The following EXO1 variants were observed in gnomAD, a reference collection of about 807,000 sequenced individuals.
EXO1 encodes the protein exonuclease 1.
In EXO1, 69 loss-of-function variants were observed where a neutral mutation model predicts 84.5. The observed-to-expected ratio is 0.82, with a 90% CI of 0.67 to 1.00. The LOEUF (loss-of-function observed/expected upper bound fraction) is 1.00, where lower values mean the gene tolerates loss of function less well. Ranked by LOEUF, EXO1 falls within the 50% of genes least tolerant of loss-of-function variation. The pLI is 0.00. For synonymous variants in EXO1, 373 were observed against 366.1 expected (o/e 1.02, Z -0.21); for missense variants, 1,045 against 1,000.7 (o/e 1.04, Z -0.60).
At chr1:241,851,250 G>A (rs1660657089) in intron 4 of EXO1, among the ~76,000 whole-genome samples, 1 of 152,174 alleles carries the variant, frequency 6.6e-6, no homozygotes, top group South Asian at 2.1e-4. Flanking sequence ...AAAAACAAAT[G>A]TGTTGTAAAA....
At chr1:241,858,297 A>T (rs1476384584) in intron 7 of EXO1, among the ~76,000 whole-genome samples, 1 of 152,254 alleles carries the variant, frequency 6.6e-6, no homozygotes, top group Non-Finnish European at 1.5e-5. Flanking sequence ...GTGACAGTTG[A>T]GTCCTAGCTG....
In EXO1 at chr1:241,885,212, GTAAA is replaced by G. The variant is rs57809020; in HGVS notation, c.2212-82_2212-79del. On this transcript the variant is annotated intron_variant, in intron 14 of 15. Coordinates refer to ENST00000366548, the MANE Select transcript of EXO1 (RefSeq NM_130398.4). ...ACAGAGTGAGAGTCCATCTCAAAAA[GTAAA>G]TAAATAAATAAATAAATAAGTAAAG... 7.5e-5 allele frequency: 33 copies of G among 439,138 alleles called. 5 individuals carry two copies. Among genetic ancestry groups the G allele is most frequent in the South Asian group, 3.8e-4 (11 of 29,290 alleles). The allele number at this position is 439,138 out of a possible 1,614,324, so 27.2% of individuals were successfully genotyped here. A position where few individuals can be genotyped will look rare whatever the true frequency, so the allele number is the denominator to read the frequency against.
At chr1:241,871,687 A>T (rs529587298) in intron 11 of EXO1, among the ~76,000 whole-genome samples, 1 of 152,282 alleles carries the variant, frequency 6.6e-6, no homozygotes. Context: ...TTACATATAA[A>T]TTTTCCTGGA....
At chr1:241,883,200 G>C (rs1776154) in intron 14 of EXO1, among the ~76,000 whole-genome samples, 144,121 of 152,260 alleles carry the variant, frequency 0.95, 68,374 homozygotes, top group Non-Finnish European at 0.98. Context: ...AATGGCCCTG[G>C]CTATCCATTT....
chr1:241,858,731 TG>T lies in EXO1; in HGVS notation c.756+14del, dbSNP rs776270001. ...AGATATAGTAAAGGTAAGAGTGATT[TG>T]CTAAGTGTCATATTCAATTTCTGAA... is the stretch of plus-strand genomic sequence containing the variant. On this transcript the variant is annotated intron_variant, in intron 8 of 15. Coordinates refer to ENST00000366548, the MANE Select transcript of EXO1 (RefSeq NM_130398.4). 3.3e-6 allele frequency: 5 copies of T among 1,524,410 alleles called. No homozygotes were observed. The highest frequency in any genetic ancestry group is 4.6e-6 in the Non-Finnish European group (5 of 1,098,136). The allele number at this position is 1,524,410 out of a possible 1,614,324, so 94.4% of individuals were successfully genotyped here. A position where few individuals can be genotyped will look rare whatever the true frequency, so the allele number is the denominator to read the frequency against.
At chr1:241,871,544 G>T (rs541122523) in intron 11 of EXO1, among the ~76,000 whole-genome samples, 2 of 152,264 alleles carry the variant, frequency 1.3e-5, no homozygotes, top group South Asian at 4.1e-4. Flanking sequence ...ATAACGATCA[G>T]AGCTACAGCA....
intron 10 of EXO1, among the ~76,000 whole-genome samples, chr1:241,863,624 T>C (rs1661527672): frequency 6.6e-6 from 1 of 152,064 alleles, no homozygotes; most frequent in Non-Finnish European, 1.5e-5. Context: ...TAAGCTGAAA[T>C]AAGCCAAGCC....
chr1:241,863,432 C>G (rs2298937), intron 10 of EXO1, among the ~76,000 whole-genome samples: 11,541 of 139,408 alleles, frequency 0.083, 708 homozygotes, highest in Admixed American at 0.2. Flanking sequence ...ACAAAAAAAG[C>G]GTATGTAGAA....
At chr1:241,875,113 C>T (rs1032844534) in intron 12 of EXO1, among the ~76,000 whole-genome samples, 2 of 152,214 alleles carry the variant, frequency 1.3e-5, no homozygotes, top group Non-Finnish European at 2.9e-5. Context: ...AAGTGATTCT[C>T]CTGCCTCAGC....
rs765732782 is a variant in EXO1 at position 241,858,553 on chromosome 1, A to G, written c.591A>G (p.Gln197=). 5.0e-6 allele frequency: 8 copies of G among 1,614,150 alleles called. No homozygotes were observed. The highest frequency in any genetic ancestry group is 5.1e-6 in the Non-Finnish European group (6 of 1,179,982). ...TTGGAAATGGACTTGAAATTGATCA[A>G]GCTCGGCTAGGAATGTGCAGACAGC... The part of the protein sequence containing the change: ...DQFGNGLEID[Q]ARLGMCRQLG... The change falls in exon 8 of 16, where the codon CAA becomes CAG. Residue 197 remains glutamine, a synonymous_variant. Transcript: ENST00000366548.
At position 241,858,510 on chromosome 1, in the gene EXO1, T is replaced by C. The variant is rs1661189716; in HGVS notation, c.548T>C (p.Ile183Thr). The part of the protein sequence containing the change: ...DLLAFGCKKV[I>T]LKMDQFGNGL... ...CAATTTCCCTTCCTTTTGAAGGTAA[T>C]TTTAAAGATGGACCAGTTTGGAAAT... Residue 183 changes from isoleucine to threonine, a missense_variant, in exon 8 of 16, where the codon ATT becomes ACT. Transcript: ENST00000366548. 6.2e-7 allele frequency: 1 copy of C among 1,612,548 alleles called. No homozygotes were observed. Among genetic ancestry groups the C allele is most frequent in the Non-Finnish European group, 8.5e-7 (1 of 1,178,522 alleles).
chr1:241,860,239 ATC>A (rs1024753101), intron 8 of EXO1, among the ~76,000 whole-genome samples: 2 of 152,230 alleles, frequency 1.3e-5, no homozygotes, highest in Admixed American at 1.3e-4. Flanking sequence ...TGGATAATGT[ATC>A]TCAAAGTTAC....
At chr1:241,848,181 G>A (rs1026560232), upstream of EXO1, 1 of 152,338 alleles carries the variant, frequency 6.6e-6, no homozygotes, top group Non-Finnish European at 1.5e-5. This position sits in a 1 kb window ranked among gnomAD's most constrained non-coding sequence, Gnocchi z 4.2. Flanking sequence ...GGGCCGCAAG[G>A]AACCCGCGCA....
rs750325730 is a variant in EXO1, at chr1:241,878,743, T to C, written c.1515-6T>C. On this transcript the variant is annotated splice_polypyrimidine_tract_variant and splice_region_variant and intron_variant, in intron 12 of 15. Coordinates refer to ENST00000366548, the MANE Select transcript of EXO1 (RefSeq NM_130398.4). ...TACTTATTGTTTCTATTGCTTTTTT[T>C]ATTAGGTTTTTTTGCAGTTCAGATT... is the stretch of plus-strand genomic sequence containing the variant. 1.9e-6 allele frequency: 3 copies of C among 1,588,136 alleles called. No individual in the cohort carries two copies. The highest frequency in any genetic ancestry group is 3.4e-5 in the Admixed American group (2 of 59,648).
intron 6 of EXO1, among the ~76,000 whole-genome samples, chr1:241,856,763 C>G (rs2148410345): frequency 6.6e-6 from 1 of 152,334 alleles, no homozygotes; most frequent in African/African-American, 2.4e-5. Flanking sequence ...GGCACAATGG[C>G]TGAACGCTTA....
At chr1:241,854,768 C>T (rs1045768624) in intron 6 of EXO1, 8 of 157,462 alleles carry the variant, frequency 5.1e-5, no homozygotes, top group East Asian at 1.9e-4. Context: ...AGAATGAAGC[C>T]GCAGACCCTC....
chr1:241,867,680 T>C (rs1661830624), intron 11 of EXO1, among the ~76,000 whole-genome samples: 1 of 152,164 alleles, frequency 6.6e-6, no homozygotes, highest in African/African-American at 2.4e-5. Context: ...TAAAAAGTTT[T>C]CCTTTCCCCA....
At chr1:241,881,858 A>G (rs1257491221) in intron 13 of EXO1, 58 bp from the exon 14 acceptor site, 2 of 841,258 alleles carry the variant, frequency 2.4e-6, no homozygotes, top group Non-Finnish European at 4.0e-6. Context: ...GTTTGTTGTC[A>G]TAAAAATTCT....
Position 241,872,031 on chromosome 1 carries a change from G to A in EXO1, c.1268-1G>A. On this transcript the variant is annotated splice_acceptor_variant, in intron 11 of 15. Coordinates refer to ENST00000366548, the MANE Select transcript of EXO1 (RefSeq NM_130398.4). LOFTEE classifies it high-confidence loss of function. ...TTACAGATAATTTTGTTTTTATTTAGCAGAGCTGTCAGAAGATGACCTGTT... is the reference window on the plus strand; with the variant it reads ...TTACAGATAATTTTGTTTTTATTTAACAGAGCTGTCAGAAGATGACCTGTT... 6.2e-7 allele frequency: 1 copy of A among 1,611,554 alleles called. No homozygotes were observed. Among genetic ancestry groups the A allele is most frequent in the African/African-American group, 1.3e-5 (1 of 74,626 alleles).
Sources: gnomAD v4.1 joint callset for allele counts (sites outside exome capture counted in the v4.1 genomes callset) on GRCh38, gnomAD v4.1.1 for gene constraint, Gnocchi (gnomAD v3.1) non-coding constraint, MANE v1.5 for transcripts, NCBI Gene and HGNC (gene_info 2026-07-23, HGNC 2026-07-21) for gene names.